Variants in DPM2 observed in about 807,000 individuals in gnomAD.
The protein encoded by DPM2 is dolichyl-phosphate mannosyltransferase subunit 2, regulatory.
Under a neutral mutation model 12.1 loss-of-function variants are expected in DPM2, and 8 were observed. The observed-to-expected ratio is 0.66, with a 90% CI of 0.39 to 1.19. DPM2 has a LOEUF of 1.19. Among genes scored for constraint, DPM2 ranks in the 50% most tolerant of loss-of-function variants. The pLI is 0.01. For synonymous variants in DPM2, 38 were observed against 44.7 expected, an observed-to-expected ratio of 0.85 and a Z score of 0.60; for missense variants, 93 against 102.5, an observed-to-expected ratio of 0.91 and a Z score of 0.40.
intron 1 of DPM2, 84 bp from the exon 2 acceptor site, chr9:127,937,607 G>A: frequency 7.7e-7 from 1 of 1,306,644 alleles, no homozygotes; most frequent in South Asian, 1.3e-5. Context: ...GCCCGATCAC[G>A]GTCTAAGCTT....
In DPM2 at chr9:127,937,721, G is replaced by C. The variant is rs185077041; in HGVS notation, c.3+97C>G. 4.2e-3 allele frequency: 6,218 copies of C among 1,496,930 alleles called. 25 individuals carry two copies. Among genetic ancestry groups the C allele is most frequent in the Non-Finnish European group, 4.9e-3 (5,208 of 1,073,742 alleles). 92.7% of individuals were successfully genotyped at this position (1,496,930 alleles called of 1,614,324 possible). A position where few individuals can be genotyped will look rare whatever the true frequency, so the allele number is the denominator to read the frequency against. On this transcript the variant is annotated intron_variant, in intron 1 of 3. Coordinates refer to ENST00000314392, the MANE Select transcript of DPM2 (RefSeq NM_003863.4). ...TCCGTACAATAGTGGGGGCGGGAGA[G>C]CAATCCCCGTTCCAAGTGCCCATGC...
chr9:127,935,906 C>A (rs1471729935), intron 3 of DPM2, 126 bp from the exon 4 acceptor site: 1 of 832,870 alleles, frequency 1.2e-6, no homozygotes, highest in Admixed American at 2.2e-5. Context: ...CTCCAGGGAA[C>A]CTGCTTATCT....
chr9:127,936,075 C>T (rs898097128), intron 3 of DPM2: 3 of 589,998 alleles, frequency 5.1e-6, no homozygotes, highest in Non-Finnish European at 5.9e-6. Context: ...TGTCTGTCCA[C>T]CTACATACCT....
Position 127,936,568 on chromosome 9 carries a change from G to A in DPM2, c.181C>T (p.Leu61=). 6.3e-7 allele frequency: 1 copy of A among 1,583,246 alleles called. No homozygotes were observed. The highest frequency in any genetic ancestry group is 1.1e-5 in the South Asian group (1 of 88,178). The change falls in exon 3 of 4, where the codon CTG becomes TTG. Residue 61 remains leucine, a synonymous_variant. Coordinates refer to ENST00000314392, the MANE Select transcript of DPM2 (RefSeq NM_003863.4). ...GATGACTTACCCACAAACAGGAGCA[G>A]CAGGAGGCCTGCAGCCAGTGGGATG... ...VAIPLAAGLL[L]LLFVGLFISY...
At chr9:127,937,380 C>A in intron 2 of DPM2, 54 bp downstream of exon 2, 1 of 1,451,152 alleles carries the variant, frequency 6.9e-7, no homozygotes. Context: ...AGTAGTTGCT[C>A]TGGCGGTGCC....
chr9:127,936,774 C>T (rs1002792430), intron 2 of DPM2, 119 bp from the exon 3 acceptor site: 3 of 875,118 alleles, frequency 3.4e-6, no homozygotes, highest in Non-Finnish European at 3.1e-6. Context: ...ACTGCATTTG[C>T]TTTTCTTTAA....
In DPM2 at chr9:127,937,830, C is replaced by T. The variant is rs768583498; in HGVS notation, c.-10G>A. ...GTGCCAATCTCACCATTTCCCCGCG[C>T]GCTCAGCCACCCGAGCCGCAAGCCA... is the stretch of plus-strand genomic sequence containing the variant. On this transcript the variant is annotated 5_prime_UTR_variant, in exon 1 of 4. Transcript: ENST00000314392. The T allele has an allele frequency of 8.8e-6, 14 of 1,599,712 alleles. No homozygotes were observed. The highest frequency in any genetic ancestry group is 1.7e-4 in the Middle Eastern group (1 of 6,026).
chr9:127,935,651 G>A lies in DPM2; in HGVS notation c.*71C>T, dbSNP rs1323203710. On this transcript the variant is annotated 3_prime_UTR_variant, in exon 4 of 4. Transcript: ENST00000314392. ...CACTGTGCCTGGACAGGTTCTGCAG[G>A]CTCCCCCACTTGGTCCCTGTGCTGG... The A allele has an allele frequency of 3.3e-6, 5 of 1,537,144 alleles. No individual in the cohort carries two copies. In the East Asian group the frequency reaches 9.0e-5, roughly 28 times the overall value.
chr9:127,935,570 G>T lies in DPM2; in HGVS notation c.*152C>A. On this transcript the variant is annotated 3_prime_UTR_variant, in exon 4 of 4. Transcript: ENST00000314392. ...GGAGTCGGGGAGGGGGCTCCAGTCA[G>T]TCAGGTGTAAGCTCCATGCCATGGG... is the stretch of plus-strand genomic sequence containing the variant. 1.3e-6 allele frequency: 1 copy of T among 758,496 alleles called. No individual in the cohort carries two copies. Among genetic ancestry groups the T allele is most frequent in the Non-Finnish European group, 2.2e-6 (1 of 452,374 alleles). 47.0% of individuals were successfully genotyped at this position (758,496 alleles called of 1,614,324 possible).
chr9:127,936,843 C>T, intron 2 of DPM2, 188 bp from the exon 3 acceptor site: 1 of 511,082 alleles, frequency 2.0e-6, no homozygotes, highest in Admixed American at 4.1e-5. Context: ...TTGGTATTTA[C>T]CGGGCACTTG....
chr9:127,936,295 G>A (rs1271858370), intron 3 of DPM2: 1 of 1,449,178 alleles, frequency 6.9e-7, no homozygotes, highest in South Asian at 1.5e-5. Flanking sequence ...AGGGTGACAA[G>A]AGGGTGACTG....
chr9:127,935,350 T>A lies in DPM2; in HGVS notation c.*372A>T, dbSNP rs1158518959. The A allele has an allele frequency of 2.9e-6, 1 of 345,498 alleles. No individual in the cohort carries two copies. The highest frequency in any genetic ancestry group is 4.3e-5 in the Admixed American group (1 of 23,020). 21.4% of individuals were successfully genotyped at this position (345,498 alleles called of 1,614,324 possible). A position where few individuals can be genotyped will look rare whatever the true frequency, so the allele number is the denominator to read the frequency against. On this transcript the variant is annotated 3_prime_UTR_variant, in exon 4 of 4. Coordinates refer to ENST00000314392, the MANE Select transcript of DPM2 (RefSeq NM_003863.4). ...GAAGAGAAGTCAGAGAGGTCACACA[T>A]GTGGCCTTAGAACCTGCTAAGTCCA...
chr9:127,937,804 G>T lies in DPM2; in HGVS notation c.3+14C>A, dbSNP rs375782774. On this transcript the variant is annotated intron_variant, in intron 1 of 3. Coordinates refer to ENST00000314392, the MANE Select transcript of DPM2 (RefSeq NM_003863.4). The stretch of plus-strand genomic sequence containing the variant: ...CCAGACGCCCCTATCTCCGGCACAC[G>T]GTGCCAATCTCACCATTTCCCCGCG... 13 of 1,609,378 alleles carry T rather than the reference G, an allele frequency of 8.1e-6. No homozygotes were observed. The African/African-American group carries it at 1.7e-4, about 22-fold the overall frequency.
chr9:127,937,699 G>A (rs1831531728), intron 1 of DPM2, 119 bp downstream of exon 1: 1 of 1,396,778 alleles, frequency 7.2e-7, no homozygotes, highest in Non-Finnish European at 1.0e-6. Flanking sequence ...GTTGTCGTCC[G>A]TACAATAGTG....
chr9:127,937,200 T>A (rs1416644675), intron 2 of DPM2: 3 of 410,464 alleles, frequency 7.3e-6, no homozygotes, highest in Non-Finnish European at 4.4e-6. Context: ...GGAAACAGAG[T>A]TATAAGTGTA....
At chr9:127,937,339 A>T in intron 2 of DPM2, 95 bp downstream of exon 2, 1 of 925,586 alleles carries the variant, frequency 1.1e-6, no homozygotes, top group Non-Finnish European at 1.7e-6. Context: ...GAGGCAGGCA[A>T]TGAAGCCAGC....
intron 3 of DPM2, 78 bp downstream of exon 3, chr9:127,936,475 C>A: frequency 1.9e-6 from 3 of 1,610,776 alleles, no homozygotes; most frequent in Non-Finnish European, 2.5e-6. Context: ...CCAGCACCGC[C>A]AAAGTGTGGA....
At chr9:127,936,123 A>G in intron 3 of DPM2, 1 of 632,424 alleles carries the variant, frequency 1.6e-6, no homozygotes, top group Non-Finnish European at 2.6e-6. Context: ...CCACCCATCC[A>G]TCCACCCATC....
chr9:127,935,725 C>T lies in DPM2; in HGVS notation c.252G>A (p.Gln84=), dbSNP rs754599759. Residue 84 remains glutamine, a synonymous_variant, in exon 4 of 4, where the codon CAG becomes CAA. Transcript: ENST00000314392. The part of the protein sequence containing the change: ...LKTKRVTKKA[Q] The stretch of plus-strand genomic sequence containing the variant: ...CAGCCTCATCCCTGCGGGACCTTCA[C>T]TGAGCCTTCTTGGTCACTCTCTTGG... The T allele has an allele frequency of 2.5e-6, 4 of 1,613,146 alleles. No individual in the cohort carries two copies. The African/African-American group carries it at 4.0e-5, about 16-fold the overall frequency.
Sources: gnomAD v4.1 joint callset for allele counts on GRCh38, gnomAD v4.1.1 for gene constraint, MANE v1.5 for transcripts, NCBI Gene and HGNC (gene_info 2026-07-23, HGNC 2026-07-21) for gene names.